Variants in USP46 observed in about 807,000 individuals in gnomAD.
The protein encoded by USP46 is ubiquitin specific peptidase 46.
Under a neutral mutation model 44.4 loss-of-function variants are expected in USP46, and 12 were observed. That is an observed-to-expected ratio of 0.27 (90% confidence interval 0.17 to 0.44). The LOEUF is 0.44. Among genes scored for constraint, USP46 ranks in the 20% least tolerant of loss-of-function variants. The pLI is 1.00. For missense variants in USP46, 248 were observed against 444.8 expected (o/e 0.56, Z 3.98); for synonymous variants, 155 against 161.5 (o/e 0.96, Z 0.31).
chr4:52,654,188 T>C (rs1272601343), intron 1 of USP46, among the ~76,000 whole-genome samples: 1 of 152,210 alleles, frequency 6.6e-6, no homozygotes, highest in Non-Finnish European at 1.5e-5. Flanking sequence ...TAAACATTAA[T>C]CCACCTCACC....
chr4:52,605,904 G>C (rs2109600463), intron 5 of USP46, among the ~76,000 whole-genome samples: 1 of 152,294 alleles, frequency 6.6e-6, no homozygotes, highest in East Asian at 1.9e-4. Context: ...CCTCCCAGAG[G>C]CTTCCATGGC....
chr4:52,625,976 A>C, intron 4 of USP46, 42 bp downstream of exon 4: 3 of 1,557,750 alleles, frequency 1.9e-6, no homozygotes, highest in Non-Finnish European at 2.6e-6. Context: ...GCGTACATAA[A>C]TATGAACATG....
intron 4 of USP46, among the ~76,000 whole-genome samples, chr4:52,621,444 T>A (rs1043137613): frequency 6.6e-6 from 1 of 152,014 alleles, no homozygotes; most frequent in Non-Finnish European, 1.5e-5. Context: ...TCACCTGAGG[T>A]CAGGTGTTCA....
intron 1 of USP46, among the ~76,000 whole-genome samples, chr4:52,634,147 CTG>C (rs1307392270): frequency 6.6e-6 from 1 of 150,400 alleles, no homozygotes; most frequent in East Asian, 2.0e-4. Flanking sequence ...CGCAGTCTCG[CTG>C]TGTCCCCAGG....
chr4:52,638,650 A>T (rs549545503), intron 1 of USP46, among the ~76,000 whole-genome samples: 151 of 147,560 alleles, frequency 1.0e-3, no homozygotes, highest in South Asian at 2.1e-3. Flanking sequence ...TTATATATAT[A>T]TTTTTTTTAT....
Position 52,598,642 on chromosome 4 carries a change from C to A in USP46, c.985G>T (p.Asp329Tyr). ...TGCAAACCAACCTCTACAATGTCAT[C>A]ATCAAACAAAAGCCAGAAGCCGTGA... ...KSHGFWLLFDDDIVEKIDAQA... is the reference protein window; with the variant it reads ...KSHGFWLLFDYDIVEKIDAQA... The change falls in exon 8 of 9, where the codon GAT becomes TAT. Residue 329 changes from aspartate (D) to tyrosine (Y), a missense_variant. Asp to Tyr is a radical substitution (Grantham distance 160, BLOSUM62 -3). Transcript: ENST00000441222. The A allele has an allele frequency of 6.2e-7, 1 of 1,610,052 alleles. No individual in the cohort carries two copies. The highest frequency in any genetic ancestry group is 8.5e-7 in the Non-Finnish European group (1 of 1,178,412).
At chr4:52,610,326 C>T (rs1359033220) in intron 5 of USP46, among the ~76,000 whole-genome samples, 1 of 152,134 alleles carries the variant, frequency 6.6e-6, no homozygotes, top group Non-Finnish European at 1.5e-5. Context: ...CTGCCACCTG[C>T]CCTTTTGACT....
intron 1 of USP46, among the ~76,000 whole-genome samples, chr4:52,632,994 G>GA (rs1228732494): frequency 0.02 from 1,765 of 89,336 alleles, 7 homozygotes; most frequent in East Asian, 0.07. Context: ...GAAAAGAAAA[G>GA]AAAGAAAGAA....
intron 1 of USP46, chr4:52,658,195 T>C (rs1364827194): frequency 2.2e-6 from 1 of 454,758 alleles, no homozygotes; most frequent in African/African-American, 2.0e-5. Flanking sequence ...CAGCAATGCC[T>C]TACTCCAATC....
chr4:52,646,925 C>T (rs1718568140), intron 1 of USP46, among the ~76,000 whole-genome samples: 1 of 152,214 alleles, frequency 6.6e-6, no homozygotes, highest in Non-Finnish European at 1.5e-5. Context: ...ACACATATTG[C>T]TGATGGAGGG....
chr4:52,617,304 C>G (rs1030327160), intron 4 of USP46, among the ~76,000 whole-genome samples: 2 of 152,142 alleles, frequency 1.3e-5, no homozygotes, highest in African/African-American at 4.8e-5. Context: ...AGGATTATAG[C>G]CAACTGAAAC....
intron 1 of USP46, among the ~76,000 whole-genome samples, chr4:52,651,346 GC>G (rs1470490414): frequency 4.6e-5 from 7 of 152,010 alleles, no homozygotes; most frequent in Non-Finnish European, 1.0e-4. Context: ...AGATTCCAGA[GC>G]CCCAACTAAG....
chr4:52,631,833 C>T (rs1717837759), intron 1 of USP46, among the ~76,000 whole-genome samples: 1 of 152,038 alleles, frequency 6.6e-6, no homozygotes, highest in Non-Finnish European at 1.5e-5. Context: ...TGGTAAAATC[C>T]CATCTCTACT....
chr4:52,611,293 GC>G (rs555793713), intron 4 of USP46, among the ~76,000 whole-genome samples: 130 of 152,312 alleles, frequency 8.5e-4, no homozygotes, highest in African/African-American at 3.0e-3. Flanking sequence ...CGGTTCGGTG[GC>G]CCCAGCTGTC....
chr4:52,600,925 T>C (rs1258018339), intron 7 of USP46, among the ~76,000 whole-genome samples: 1 of 152,148 alleles, frequency 6.6e-6, no homozygotes, highest in East Asian at 1.9e-4. Flanking sequence ...CAAGAAAATA[T>C]CCAGTGACTT....
chr4:52,631,935 G>A (rs2109638364), intron 1 of USP46, among the ~76,000 whole-genome samples: 1 of 152,160 alleles, frequency 6.6e-6, no homozygotes, highest in South Asian at 2.1e-4. Context: ...GAACCTGGGG[G>A]CTGGAGGTTG....
chr4:52,613,445 C>G (rs768590371), intron 4 of USP46, among the ~76,000 whole-genome samples: 3 of 152,078 alleles, frequency 2.0e-5, no homozygotes, highest in Non-Finnish European at 4.4e-5. Flanking sequence ...AGAATCCGGC[C>G]GGGTGTGGTG....
chr4:52,610,558 G>A lies in USP46; in HGVS notation c.621C>T (p.Ser207=), dbSNP rs775319567. Residue 207 remains serine, a synonymous_variant, in exon 5 of 9, where the codon TCC becomes TCT. Transcript: ENST00000441222. ...DLSVDVEQNT[S]ITHCLRDFSN... is the part of the protein sequence containing the mutation. ...TCATATACCTTAGACAGTGGGTAATGGATGTATTCTGCTCCACATCAACAG... is the reference window on the plus strand; with the variant it reads ...TCATATACCTTAGACAGTGGGTAATAGATGTATTCTGCTCCACATCAACAG... The A allele has an allele frequency of 3.7e-6, 6 of 1,613,784 alleles. No homozygotes were observed. In the African/African-American group the frequency reaches 8.0e-5, roughly 22 times the overall value.
Position 52,628,849 on chromosome 4 carries a change from C to T in USP46, c.118-686G>A, listed in dbSNP as rs17051630. ...AGGCGGCAATTGTGCCAATGCAATA[C>T]TACCCAAGTTCCTAGCCTGCAATCA... is the stretch of plus-strand genomic sequence containing the variant. On this transcript the variant is annotated intron_variant, in intron 2 of 8. Coordinates refer to ENST00000441222, the MANE Select transcript of USP46 (RefSeq NM_022832.4). Among the ~76,000 whole-genome samples the T allele has an allele frequency of 9.2e-3, 1,406 of 152,322 alleles. 17 individuals are homozygous for T. The highest frequency in any genetic ancestry group is 0.032 in the African/African-American group (1,334 of 41,558).
Sources: allele counts gnomAD v4.1 joint callset (sites outside exome capture counted in the v4.1 genomes callset), GRCh38; gene constraint gnomAD v4.1.1; transcripts MANE v1.5; gene names NCBI Gene and HGNC (gene_info 2026-07-23, HGNC 2026-07-21).